DNAAF11: variants seen among roughly 807,000 people sequenced by gnomAD.
DNAAF11 encodes leucine rich repeat containing 6.
Under a neutral mutation model 60.8 loss-of-function variants are expected in DNAAF11, and 45 were observed. The ratio of observed to expected loss-of-function variants is 0.74; its 90% CI spans 0.58 to 0.95. The LOEUF (loss-of-function observed/expected upper bound fraction) is 0.95, where lower values mean the gene tolerates loss of function less well. Among genes scored for constraint, DNAAF11 ranks in the 40% least tolerant of loss-of-function variants. DNAAF11 has a pLI of 0.00. For synonymous variants in DNAAF11, 191 were observed against 183.5 expected (o/e 1.04, Z -0.33); for missense variants, 546 against 546.2 (o/e 1.00, Z 0.00).
intron 5 of DNAAF11, among the ~76,000 whole-genome samples, chr8:132,625,932 C>T (rs1820227537): frequency 6.6e-6 from 1 of 152,210 alleles, no homozygotes; most frequent in African/African-American, 2.4e-5. Flanking sequence ...GTCAATTACA[C>T]TCTCCACACT....
At chr8:132,600,246 C>T (rs1166762999) in intron 10 of DNAAF11, among the ~76,000 whole-genome samples, 2 of 152,104 alleles carry the variant, frequency 1.3e-5, no homozygotes, top group African/African-American at 4.8e-5. Context: ...AGGAGAACTA[C>T]AAACCACTGC....
At chr8:132,660,047 G>A (rs1823981274) in intron 2 of DNAAF11, among the ~76,000 whole-genome samples, 1 of 152,146 alleles carries the variant, frequency 6.6e-6, no homozygotes, top group African/African-American at 2.4e-5. Flanking sequence ...TCGTGCCAGG[G>A]CACACAGGGG....
chr8:132,606,135 T>C (rs1818108846), intron 10 of DNAAF11, among the ~76,000 whole-genome samples: 1 of 152,168 alleles, frequency 6.6e-6, no homozygotes, highest in Non-Finnish European at 1.5e-5. Context: ...ACTTGCATGT[T>C]TGTGGTGATC....
At chr8:132,627,474 T>C (rs1470180619) in intron 5 of DNAAF11, among the ~76,000 whole-genome samples, 1 of 152,156 alleles carries the variant, frequency 6.6e-6, no homozygotes, top group African/African-American at 2.4e-5. Context: ...AGAACTCTCT[T>C]CCCATCCATA....
chr8:132,578,962 GA>G (rs760257082), intron 11 of DNAAF11, among the ~76,000 whole-genome samples: 13 of 152,252 alleles, frequency 8.5e-5, no homozygotes, highest in Non-Finnish European at 1.0e-4. Context: ...CAGTGCCAAA[GA>G]GCTTCTCTGA....
At chr8:132,605,938 C>G (rs2733165) in intron 10 of DNAAF11, among the ~76,000 whole-genome samples, 151,732 of 151,732 alleles carry the variant, frequency 1, 75,866 homozygotes, top group Non-Finnish European at 1. Context: ...ATGTCAGGGA[C>G]ATAATGGGGT....
chr8:132,597,319 C>T (rs1367482920), intron 10 of DNAAF11, among the ~76,000 whole-genome samples: 1 of 152,072 alleles, frequency 6.6e-6, no homozygotes, highest in African/African-American at 2.4e-5. Context: ...CTGTGTGTAG[C>T]CCTGAGGAGC....
chr8:132,674,147 A>AGAGAAGGAGGAGAAGGAGGAG (rs1554613089), intron 1 of DNAAF11, among the ~76,000 whole-genome samples: 1 of 32,094 alleles, frequency 3.1e-5, no homozygotes, highest in African/African-American at 1.4e-4. Context: ...AGGAGGAGGA[A>AGAGAAGGAGGAGAAGGAGGAG]GAGGAGGAGG....
At chr8:132,604,183 C>T (rs1296137237) in intron 10 of DNAAF11, among the ~76,000 whole-genome samples, 2 of 152,146 alleles carry the variant, frequency 1.3e-5, no homozygotes, top group Admixed American at 1.3e-4. Context: ...CCAGGCAACA[C>T]TATAGACCCA....
At chr8:132,578,522 AG>A (rs1563962996) in intron 11 of DNAAF11, 33 of 1,488,574 alleles carry the variant, frequency 2.2e-5, no homozygotes, top group Non-Finnish European at 2.9e-5. Context: ...AATAGCTGGA[AG>A]ACAAAATCAA....
At chr8:132,585,801 A>G (rs1025433352) in intron 10 of DNAAF11, among the ~76,000 whole-genome samples, 2 of 152,218 alleles carry the variant, frequency 1.3e-5, no homozygotes, top group Non-Finnish European at 2.9e-5. Context: ...AAAATAGACA[A>G]TGTAATTTTA....
At chr8:132,688,819 T>G in the DNAAF11 span, among the ~76,000 whole-genome samples, 5 of 152,314 alleles carry the variant, frequency 3.3e-5, no homozygotes, top group East Asian at 9.6e-4. Context: ...CTTAAATTAG[T>G]TTGAGTTGGA....
intron 5 of DNAAF11, among the ~76,000 whole-genome samples, chr8:132,631,464 C>T (rs552832500): frequency 4.6e-4 from 70 of 152,182 alleles, no homozygotes; most frequent in African/African-American, 1.6e-3. Flanking sequence ...TCTTCATGTG[C>T]GTAAATCTCA....
At chr8:132,685,829 G>A in the DNAAF11 span, among the ~76,000 whole-genome samples, 1 of 152,304 alleles carries the variant, frequency 6.6e-6, no homozygotes, top group South Asian at 2.1e-4. Context: ...AAATAATTGT[G>A]TTTCAAGAAC....
chr8:132,695,162 T>A, the DNAAF11 span, among the ~76,000 whole-genome samples: 2,352 of 152,152 alleles, frequency 0.015, 35 homozygotes, highest in South Asian at 0.052. Context: ...TGAGAAAGAC[T>A]TGAAAGAGAA....
chr8:132,592,788 G>C (rs1035809817), intron 10 of DNAAF11, among the ~76,000 whole-genome samples: 3 of 152,046 alleles, frequency 2.0e-5, no homozygotes, highest in African/African-American at 7.2e-5. Context: ...TTGAATTTGA[G>C]GTATGAAGGA....
chr8:132,590,068 CA>C (rs1307392253), intron 10 of DNAAF11, among the ~76,000 whole-genome samples: 1 of 152,138 alleles, frequency 6.6e-6, no homozygotes, highest in Non-Finnish European at 1.5e-5. Context: ...TCCTCATATC[CA>C]TTGCCTGCCC....
upstream of DNAAF11, among the ~76,000 whole-genome samples, chr8:132,679,436 A>G (rs147629063): frequency 4.6e-3 from 694 of 152,300 alleles, 12 homozygotes; most frequent in African/African-American, 0.016. Flanking sequence ...GTTGTAAAGG[A>G]ATCTAGCAGG....
At chr8:132,681,003 CTTTTTTTTTT>C in the DNAAF11 span, among the ~76,000 whole-genome samples, 6 of 52,336 alleles carry the variant, frequency 1.1e-4, no homozygotes, top group South Asian at 9.4e-4. Flanking sequence ...ATAACTATTC[CTTTTTTTTTT>C]TTTTTTTTTT....
Sources: allele counts gnomAD v4.1 joint callset (sites outside exome capture counted in the v4.1 genomes callset), GRCh38; gene constraint gnomAD v4.1.1; transcripts MANE v1.5; gene names NCBI Gene and HGNC (gene_info 2026-07-23, HGNC 2026-07-21).